RARB: variants seen among roughly 807,000 people sequenced by gnomAD.
RARB encodes retinoic acid receptor beta.
Under a neutral mutation model 51.9 loss-of-function variants are expected in RARB, and 17 were observed. That is an observed-to-expected ratio of 0.33 (90% CI 0.22 to 0.49). The LOEUF (loss-of-function observed/expected upper bound fraction) is 0.49, where lower values mean the gene tolerates loss of function less well. RARB is among the 20% of genes least tolerant of loss of function. The probability of loss-of-function intolerance (pLI) is 0.99; values close to 1 mark genes in which losing one functional copy is unlikely to be tolerated. For missense variants in RARB, 369 were observed against 550.8 expected (o/e 0.67, Z 3.30); for synonymous variants, 215 against 195.4 (o/e 1.10, Z -0.84).
chr3:25,418,410 A>C (rs1559392454), intron 5 of RARB, among the ~76,000 whole-genome samples: 1 of 152,182 alleles, frequency 6.6e-6, no homozygotes, highest in Non-Finnish European at 1.5e-5. Context: ...TCTTCCATTG[A>C]AGTAGATGTT....
At chr3:25,266,421 A>G (rs1010898252) in intron 5 of RARB, among the ~76,000 whole-genome samples, 7 of 151,970 alleles carry the variant, frequency 4.6e-5, no homozygotes, top group African/African-American at 9.7e-5. Flanking sequence ...GTTGACCTCA[A>G]TTATTTATTG....
intron 5 of RARB, among the ~76,000 whole-genome samples, chr3:25,268,613 T>C (rs1437992383): frequency 6.6e-6 from 1 of 152,222 alleles, no homozygotes; most frequent in Non-Finnish European, 1.5e-5. Context: ...TCTGCCTTCC[T>C]TGTTGTACAA....
At chr3:24,930,005 T>G (rs1695405720) in intron 2 of RARB, among the ~76,000 whole-genome samples, 2 of 152,130 alleles carry the variant, frequency 1.3e-5, no homozygotes, top group African/African-American at 2.4e-5. Context: ...CAGTAAGTTA[T>G]AAGTCTGGAT....
chr3:24,988,678 A>C (rs1360403510), intron 2 of RARB, among the ~76,000 whole-genome samples: 1 of 152,154 alleles, frequency 6.6e-6, no homozygotes, highest in Non-Finnish European at 1.5e-5. Context: ...ATTTTCAAAA[A>C]TTTAATATTA....
intron 2 of RARB, among the ~76,000 whole-genome samples, chr3:25,012,067 A>G (rs555818189): frequency 6.6e-6 from 1 of 152,240 alleles, no homozygotes; most frequent in East Asian, 1.9e-4. Context: ...TATAAATTCA[A>G]TCTCAGTGGG....
chr3:24,857,763 A>G (rs1012981829), intron 1 of RARB, among the ~76,000 whole-genome samples: 9 of 152,156 alleles, frequency 5.9e-5, no homozygotes, highest in Non-Finnish European at 1.0e-4. Flanking sequence ...AAAAAAAACA[A>G]AACAAAACAA....
chr3:25,511,684 G>A (rs912301608), intron 3 of RARB, among the ~76,000 whole-genome samples: 2 of 152,122 alleles, frequency 1.3e-5, no homozygotes, highest in African/African-American at 4.8e-5. Flanking sequence ...GTCTGCAGCT[G>A]TGGCCTGAGC....
chr3:24,939,155 T>G (rs1162661198), intron 2 of RARB, among the ~76,000 whole-genome samples: 3 of 152,130 alleles, frequency 2.0e-5, no homozygotes, highest in African/African-American at 4.8e-5. Context: ...GCTAATTGTT[T>G]GTATTTTTAG....
chr3:25,356,867 G>A (rs1370820302), intron 5 of RARB, among the ~76,000 whole-genome samples: 3 of 152,114 alleles, frequency 2.0e-5, no homozygotes, highest in Non-Finnish European at 2.9e-5. Flanking sequence ...TGGCTGCATA[G>A]TATTCCATGG....
chr3:25,430,029 A>C (rs1047461570), intron 1 of RARB, among the ~76,000 whole-genome samples: 1 of 152,234 alleles, frequency 6.6e-6, no homozygotes, highest in African/African-American at 2.4e-5. Context: ...GAGAGGGGAC[A>C]ATGACAGGAT....
intron 3 of RARB, among the ~76,000 whole-genome samples, chr3:25,541,346 TTCTC>T (rs779015511): frequency 1.3e-5 from 2 of 152,186 alleles, no homozygotes; most frequent in Non-Finnish European, 2.9e-5. Flanking sequence ...TTTTCTCTCC[TTCTC>T]TCTCTCAGTC....
chr3:25,471,312 C>T (rs528560016), intron 2 of RARB, among the ~76,000 whole-genome samples: 70 of 152,246 alleles, frequency 4.6e-4, no homozygotes, highest in Middle Eastern at 3.4e-3. Flanking sequence ...GATATACTGA[C>T]GTGGAAGAGT....
At chr3:25,009,207 A>T (rs940352796) in intron 2 of RARB, among the ~76,000 whole-genome samples, 40 of 152,130 alleles carry the variant, frequency 2.6e-4, no homozygotes, top group Non-Finnish European at 2.9e-4. Flanking sequence ...CCCAAATTCT[A>T]TGACTCTTAA....
chr3:25,224,677 G>T (rs1463064739), intron 5 of RARB, among the ~76,000 whole-genome samples: 1 of 152,026 alleles, frequency 6.6e-6, no homozygotes, highest in African/African-American at 2.4e-5. Flanking sequence ...GCATGATAAT[G>T]GCTCACTGTA....
At chr3:25,195,110 G>T (rs1701199441) in intron 5 of RARB, among the ~76,000 whole-genome samples, 1 of 151,954 alleles carries the variant, frequency 6.6e-6, no homozygotes, top group African/African-American at 2.4e-5. Flanking sequence ...GACATTTCAT[G>T]GTACAAAAGG....
chr3:25,580,169 T>C (rs2125304540), intron 4 of RARB, among the ~76,000 whole-genome samples: 1 of 152,144 alleles, frequency 6.6e-6, no homozygotes, highest in Non-Finnish European at 1.5e-5. Flanking sequence ...GGTCAGGAGA[T>C]CGAGACCATC....
At chr3:25,208,435 C>T (rs1244338521) in intron 5 of RARB, among the ~76,000 whole-genome samples, 1 of 152,138 alleles carries the variant, frequency 6.6e-6, no homozygotes, top group Non-Finnish European at 1.5e-5. Flanking sequence ...GTTGACCTTT[C>T]AAGCAAGTCA....
intron 5 of RARB, among the ~76,000 whole-genome samples, chr3:25,247,413 A>G (rs1304840449): frequency 1.3e-5 from 2 of 152,204 alleles, no homozygotes; most frequent in Admixed American, 1.3e-4. Flanking sequence ...CCAAACGGCC[A>G]CCCAGTTTAG....
chr3:25,364,559 T>C (rs1262963868), intron 5 of RARB, among the ~76,000 whole-genome samples: 1 of 152,196 alleles, frequency 6.6e-6, no homozygotes, highest in Admixed American at 6.5e-5. Flanking sequence ...ATTCAGAGGC[T>C]GGAATGTGCA....
Sources: allele counts gnomAD v4.1 joint callset (sites outside exome capture counted in the v4.1 genomes callset), GRCh38; gene constraint gnomAD v4.1.1; transcripts MANE v1.5; gene names NCBI Gene and HGNC (gene_info 2026-07-23, HGNC 2026-07-21).